CSMD1: variants seen among roughly 807,000 people sequenced by gnomAD.
CSMD1 encodes the protein CUB and sushi domain-containing protein 1.
CSMD1 carries 213 observed loss-of-function variants against 417.5 expected under a neutral mutation model. The observed-to-expected ratio is 0.51, with a 90% CI of 0.46 to 0.57. CSMD1 has a LOEUF of 0.57. Among genes scored for constraint, CSMD1 ranks in the 20% least tolerant of loss-of-function variants. CSMD1 has a pLI of 0.00. For missense variants in CSMD1, 6,923 were observed against 4,529.7 expected (o/e 1.53, Z -15.17); for synonymous variants, 2,862 against 1,736.8 (o/e 1.65, Z -16.11).
At chr8:4,459,219 T>G (rs778322521) in intron 2 of CSMD1, among the ~76,000 whole-genome samples, 3 of 152,190 alleles carry the variant, frequency 2.0e-5, no homozygotes, top group Non-Finnish European at 4.4e-5. Flanking sequence ...GTTCCACCTA[T>G]GTAGGAGGTA....
chr8:3,259,090 G>GTTA (rs748666694), intron 26 of CSMD1, among the ~76,000 whole-genome samples: 1 of 152,158 alleles, frequency 6.6e-6, no homozygotes, highest in African/African-American at 2.4e-5. Context: ...TATAAAGCAG[G>GTTA]TATCTTAACC....
intron 3 of CSMD1, among the ~76,000 whole-genome samples, chr8:4,158,368 G>C (rs776174481): frequency 1.6e-4 from 24 of 151,910 alleles, no homozygotes; most frequent in African/African-American, 5.1e-4. Flanking sequence ...GAAAGAAATA[G>C]TAATATGAAT....
chr8:3,257,463 A>T (rs1486664825), intron 26 of CSMD1, among the ~76,000 whole-genome samples: 1 of 152,206 alleles, frequency 6.6e-6, no homozygotes, highest in Non-Finnish European at 1.5e-5. Flanking sequence ...AATACAACCA[A>T]GTAATAAATG....
At chr8:4,422,214 A>C (rs902540295) in intron 2 of CSMD1, among the ~76,000 whole-genome samples, 1 of 152,138 alleles carries the variant, frequency 6.6e-6, no homozygotes, top group Non-Finnish European at 1.5e-5. Flanking sequence ...TACACACTTT[A>C]AAGAATTAAC....
intron 3 of CSMD1, among the ~76,000 whole-genome samples, chr8:4,034,503 C>T (rs961990633): frequency 6.6e-6 from 1 of 152,044 alleles, no homozygotes; most frequent in Non-Finnish European, 1.5e-5. Flanking sequence ...AACATGTGTG[C>T]TGTTTATAGT....
intron 1 of CSMD1, among the ~76,000 whole-genome samples, chr8:4,849,212 TGTA>T (rs1801322025): frequency 6.6e-6 from 1 of 152,116 alleles, no homozygotes; most frequent in South Asian, 2.1e-4. Flanking sequence ...GAAAAAAGCT[TGTA>T]GAATAAAGCT....
chr8:3,872,924 T>G (rs1231640410), intron 5 of CSMD1, among the ~76,000 whole-genome samples: 1 of 147,890 alleles, frequency 6.8e-6, no homozygotes, highest in African/African-American at 2.5e-5. Context: ...AAATAAGACA[T>G]ACATGTGGCC....
chr8:3,777,995 C>T (rs1798984580), intron 5 of CSMD1, among the ~76,000 whole-genome samples: 1 of 152,376 alleles, frequency 6.6e-6, no homozygotes, highest in Non-Finnish European at 1.5e-5. Context: ...TCAGTACCCA[C>T]TCCAGACCTG....
At chr8:3,949,928 G>A (rs538071775) in intron 5 of CSMD1, 6 of 455,926 alleles carry the variant, frequency 1.3e-5, no homozygotes, top group South Asian at 3.1e-5. Flanking sequence ...GAGGCAGGAC[G>A]TGAAAACACA....
At chr8:4,182,025 CGTGTGTGTGTGTGTGTGTCGGT>C (rs1246709741) in intron 3 of CSMD1, among the ~76,000 whole-genome samples, 1 of 118,210 alleles carries the variant, frequency 8.5e-6, no homozygotes, top group Non-Finnish European at 2.0e-5. Flanking sequence ...CATACACACC[CGTGTGTGTGTGTGTGTGTCGGT>C]GTGTGTGTGT....
chr8:4,538,473 T>C (rs991560583), intron 2 of CSMD1, among the ~76,000 whole-genome samples: 8 of 151,964 alleles, frequency 5.3e-5, no homozygotes, highest in African/African-American at 1.9e-4. Flanking sequence ...TGAAACCCTG[T>C]CTCTACTAAA....
intron 39 of CSMD1, among the ~76,000 whole-genome samples, chr8:3,153,748 T>C (rs1819342753): frequency 6.6e-6 from 1 of 152,210 alleles, no homozygotes; most frequent in African/African-American, 2.4e-5. Flanking sequence ...CGGATGTCTG[T>C]GTCCCACACA....
intron 1 of CSMD1, among the ~76,000 whole-genome samples, chr8:4,744,910 T>C (rs1420574137): frequency 2.0e-5 from 3 of 152,210 alleles, no homozygotes; most frequent in East Asian, 1.9e-4. Context: ...TGGCTCAGTA[T>C]GTATAAAAAT....
At chr8:4,479,030 T>C (rs1800949441) in intron 2 of CSMD1, among the ~76,000 whole-genome samples, 1 of 152,182 alleles carries the variant, frequency 6.6e-6, no homozygotes, top group Non-Finnish European at 1.5e-5. Flanking sequence ...CTAGGGAAGA[T>C]AACACAGAGT....
At chr8:3,818,658 A>C (rs1801535795) in intron 5 of CSMD1, among the ~76,000 whole-genome samples, 1 of 152,196 alleles carries the variant, frequency 6.6e-6, no homozygotes, top group Non-Finnish European at 1.5e-5. Flanking sequence ...GCATCGTCTG[A>C]TGACAGCAAT....
intron 3 of CSMD1, among the ~76,000 whole-genome samples, chr8:4,210,888 C>G (rs1007247397): frequency 1.3e-5 from 2 of 151,990 alleles, no homozygotes; most frequent in African/African-American, 4.8e-5. Context: ...TCCCTCAGAC[C>G]ATATTTTCTA....
chr8:3,391,307 T>G (rs1811332833), intron 17 of CSMD1, among the ~76,000 whole-genome samples: 1 of 152,228 alleles, frequency 6.6e-6, no homozygotes, highest in African/African-American at 2.4e-5. Context: ...GAATCTTTCT[T>G]CTGCCTTCAG....
intron 3 of CSMD1, among the ~76,000 whole-genome samples, chr8:4,393,827 A>G (rs991545989): frequency 1.3e-5 from 2 of 152,188 alleles, no homozygotes; most frequent in Non-Finnish European, 2.9e-5. Flanking sequence ...ATGTTTCTGT[A>G]TCTTTTCCAA....
At chr8:4,206,296 T>A (rs181541458) in intron 3 of CSMD1, among the ~76,000 whole-genome samples, 1 of 152,230 alleles carries the variant, frequency 6.6e-6, no homozygotes, top group Admixed American at 6.5e-5. Flanking sequence ...CTGCACCCAT[T>A]AACTTGTCAT....
Sources: gnomAD v4.1 joint callset for allele counts (sites outside exome capture counted in the v4.1 genomes callset) on GRCh38, gnomAD v4.1.1 for gene constraint, MANE v1.5 for transcripts, NCBI Gene and HGNC (gene_info 2026-07-23, HGNC 2026-07-21) for gene names.